LRRTM3: variants seen among roughly 807,000 people sequenced by gnomAD.
LRRTM3 encodes leucine-rich repeat transmembrane neuronal protein 3.
LRRTM3 carries 24 observed loss-of-function variants against 44.7 expected under a neutral mutation model. The ratio of observed to expected loss-of-function variants is 0.54; its 90% CI spans 0.39 to 0.76. LRRTM3 has a LOEUF of 0.76. Ranked by LOEUF, LRRTM3 falls within the 30% of genes least tolerant of loss-of-function variation. The pLI is 0.00. For synonymous variants in LRRTM3, 277 were observed against 278.7 expected (o/e 0.99, Z 0.06); for missense variants, 587 against 702.2 (o/e 0.84, Z 1.85).
chr10:67,098,541 T>C lies in LRRTM3; in HGVS notation c.*745T>C, dbSNP rs1858150182. 1 of 152,272 alleles carries C rather than the reference T, an allele frequency of 6.6e-6. No homozygotes were observed. The highest frequency in any genetic ancestry group is 2.1e-4 in the South Asian group (1 of 4,830). The allele number at this position is 152,272 out of a possible 1,614,324, so 9.4% of individuals were successfully genotyped here. ...GAATTACAGCCTAGTTTCTAAGCAGTGAAATGTAATGATAAAGAGGGATAT... is the reference window on the plus strand; with the variant it reads ...GAATTACAGCCTAGTTTCTAAGCAGCGAAATGTAATGATAAAGAGGGATAT... On this transcript the variant is annotated 3_prime_UTR_variant, in exon 3 of 3. Transcript: ENST00000361320.
In LRRTM3 at chr10:66,930,638, C is replaced by A. The variant is rs552839856; in HGVS notation, c.1536+2186C>A. ...TTATATTTTTGAATTATTGCAAATT[C>A]TCAATGCCATGGTGCTACTAGTATA... On this transcript the variant is annotated intron_variant, in intron 2 of 2. Transcript: ENST00000361320. Among the ~76,000 whole-genome samples the A allele has an allele frequency of 7.2e-5, 11 of 152,220 alleles. No homozygotes were observed. In the South Asian group the frequency reaches 2.1e-3, roughly 29 times the overall value.
chr10:67,075,156 T>C (rs747683453), intron 2 of LRRTM3, among the ~76,000 whole-genome samples: 7 of 125,726 alleles, frequency 5.6e-5, no homozygotes, highest in Non-Finnish European at 8.3e-5. Context: ...TTTGTGTTGC[T>C]TCTAAGGATT....
At chr10:67,076,172 T>C (rs1010225915) in intron 2 of LRRTM3, among the ~76,000 whole-genome samples, 2 of 152,242 alleles carry the variant, frequency 1.3e-5, no homozygotes, top group African/African-American at 4.8e-5. Context: ...GAAGATTCAA[T>C]TCCTCCAGAG....
At chr10:67,053,486 G>A (rs1055267358) in intron 2 of LRRTM3, among the ~76,000 whole-genome samples, 24 of 152,166 alleles carry the variant, frequency 1.6e-4, no homozygotes, top group African/African-American at 5.3e-4. Flanking sequence ...CTGCCCATCA[G>A]TCAGTATCTA....
intron 2 of LRRTM3, among the ~76,000 whole-genome samples, chr10:66,947,151 C>G (rs7916590): frequency 0.65 from 99,510 of 151,932 alleles, 33,632 homozygotes; most frequent in East Asian, 0.97. Context: ...AAAAAACTTG[C>G]ATAAACTACT....
intron 2 of LRRTM3, among the ~76,000 whole-genome samples, chr10:66,948,054 G>A (rs1040048120): frequency 3.9e-5 from 6 of 152,160 alleles, no homozygotes; most frequent in Non-Finnish European, 8.8e-5. Flanking sequence ...GTGTAGCTAC[G>A]CATATCTAAA....
At chr10:66,995,917 C>A in intron 2 of LRRTM3, among the ~76,000 whole-genome samples, 1 of 152,126 alleles carries the variant, frequency 6.6e-6, no homozygotes, top group East Asian at 1.9e-4. Context: ...ACTGATATTG[C>A]ATTAGACATT....
At chr10:67,089,486 T>C (rs549388102) in intron 2 of LRRTM3, among the ~76,000 whole-genome samples, 1 of 152,008 alleles carries the variant, frequency 6.6e-6, no homozygotes, top group Non-Finnish European at 1.5e-5. Flanking sequence ...AGGAGATAGA[T>C]TGCTCTTCGA....
At chr10:66,952,547 G>GTGT (rs1273630885) in intron 2 of LRRTM3, among the ~76,000 whole-genome samples, 1 of 152,114 alleles carries the variant, frequency 6.6e-6, no homozygotes, top group Non-Finnish European at 1.5e-5. Flanking sequence ...TTATGTGTGT[G>GTGT]TGTGTGGAGG....
intron 2 of LRRTM3, among the ~76,000 whole-genome samples, chr10:67,052,980 C>A (rs1428504816): frequency 6.6e-6 from 1 of 152,146 alleles, no homozygotes; most frequent in East Asian, 1.9e-4. Context: ...TGTACTTACA[C>A]TGACTATGTG....
At chr10:67,054,338 A>AC (rs1855294150) in intron 2 of LRRTM3, among the ~76,000 whole-genome samples, 1 of 152,174 alleles carries the variant, frequency 6.6e-6, no homozygotes, top group Non-Finnish European at 1.5e-5. Context: ...CAGAGATGTG[A>AC]CCTATAGGTT....
intron 2 of LRRTM3, among the ~76,000 whole-genome samples, chr10:66,965,904 C>T (rs1849387248): frequency 6.6e-6 from 1 of 152,138 alleles, no homozygotes; most frequent in Non-Finnish European, 1.5e-5. Context: ...AATCCATCCT[C>T]CTTGGCAATT....
chr10:67,003,738 G>A (rs969293737), intron 2 of LRRTM3, among the ~76,000 whole-genome samples: 2 of 152,124 alleles, frequency 1.3e-5, no homozygotes, highest in Non-Finnish European at 2.9e-5. Flanking sequence ...TATTCCTCTA[G>A]AGACTAGTTA....
chr10:66,952,786 T>A (rs959855798), intron 2 of LRRTM3, among the ~76,000 whole-genome samples: 1 of 151,978 alleles, frequency 6.6e-6, no homozygotes, highest in Non-Finnish European at 1.5e-5. Context: ...CTACTAGTTG[T>A]TAAATATTTT....
chr10:67,048,019 C>A (rs1854857661), intron 2 of LRRTM3, among the ~76,000 whole-genome samples: 1 of 152,102 alleles, frequency 6.6e-6, no homozygotes, highest in Admixed American at 6.5e-5. Context: ...TGTGTTCTTT[C>A]TAAGAATGAA....
chr10:66,972,593 T>G, intron 2 of LRRTM3, among the ~76,000 whole-genome samples: 1 of 151,964 alleles, frequency 6.6e-6, no homozygotes, highest in African/African-American at 2.4e-5. Flanking sequence ...CTTCAGTTGA[T>G]AAAAATTTAT....
chr10:66,987,494 T>C (rs762748259), intron 2 of LRRTM3, among the ~76,000 whole-genome samples: 41 of 152,162 alleles, frequency 2.7e-4, no homozygotes, highest in Non-Finnish European at 4.7e-4. Context: ...AAAGACTTTG[T>C]TATTTGTTTG....
chr10:67,015,798 C>A (rs1234442125), intron 2 of LRRTM3, among the ~76,000 whole-genome samples: 1 of 151,894 alleles, frequency 6.6e-6, no homozygotes, highest in East Asian at 1.9e-4. Context: ...TCTCTCTTTT[C>A]CCTGTCTTCC....
intron 2 of LRRTM3, among the ~76,000 whole-genome samples, chr10:67,038,364 T>G (rs1854193924): frequency 6.6e-6 from 1 of 152,066 alleles, no homozygotes; most frequent in Non-Finnish European, 1.5e-5. Flanking sequence ...TATATGTCAA[T>G]TAATATCATT....
Sources: allele counts gnomAD v4.1 joint callset (sites outside exome capture counted in the v4.1 genomes callset), GRCh38; gene constraint gnomAD v4.1.1; transcripts MANE v1.5; gene names NCBI Gene and HGNC (gene_info 2026-07-23, HGNC 2026-07-21).